The following STXBP5L variants were observed in gnomAD, a reference collection of about 807,000 sequenced individuals.
The protein encoded by STXBP5L is syntaxin-binding protein 5-like.
Under a neutral mutation model 144.5 loss-of-function variants are expected in STXBP5L, and 65 were observed. The ratio of observed to expected loss-of-function variants is 0.45; its 90% CI spans 0.37 to 0.55. The LOEUF is 0.55. Among genes scored for constraint, STXBP5L ranks in the 20% least tolerant of loss-of-function variants. The probability of loss-of-function intolerance (pLI) is 0.00; values close to 1 mark genes in which losing one functional copy is unlikely to be tolerated. For synonymous variants in STXBP5L, 505 were observed against 469.6 expected, an observed-to-expected ratio of 1.08 and a Z score of -0.97; for missense variants, 1,298 against 1,405.5, an observed-to-expected ratio of 0.92 and a Z score of 1.22.
chr3:120,957,396 A>G (rs1938155221), intron 3 of STXBP5L, among the ~76,000 whole-genome samples: 1 of 151,968 alleles, frequency 6.6e-6, no homozygotes, highest in Admixed American at 6.6e-5. Flanking sequence ...CCCACTTGAT[A>G]ATGATAAGTG....
chr3:120,990,748 A>T (rs1576591120), intron 3 of STXBP5L, among the ~76,000 whole-genome samples: 1 of 152,252 alleles, frequency 6.6e-6, no homozygotes, highest in Non-Finnish European at 1.5e-5. Context: ...CTTATTTAAT[A>T]GATGATGCTG....
chr3:121,288,612 A>G (rs1264838940), intron 19 of STXBP5L, among the ~76,000 whole-genome samples: 1 of 152,108 alleles, frequency 6.6e-6, no homozygotes, highest in East Asian at 1.9e-4. Context: ...GCATTTTTTC[A>G]TATGCTTGTT....
intron 10 of STXBP5L, 29 bp from the exon 11 acceptor site, chr3:121,222,974 G>A: frequency 6.3e-7 from 1 of 1,576,074 alleles, no homozygotes; most frequent in South Asian, 1.2e-5. Context: ...AAGGACTTCT[G>A]AGTCTCATTC....
At chr3:121,059,734 G>A (rs535708191) in intron 5 of STXBP5L, among the ~76,000 whole-genome samples, 2 of 152,244 alleles carry the variant, frequency 1.3e-5, no homozygotes, top group East Asian at 1.9e-4. Flanking sequence ...TCTGTTAGTA[G>A]CAATGGTGAA....
chr3:120,984,632 C>CTTTTTTTTTTTTTTTTTTTTTTTCTTTTT (rs35656223), intron 3 of STXBP5L, among the ~76,000 whole-genome samples: 1 of 71,960 alleles, frequency 1.4e-5, no homozygotes, highest in African/African-American at 6.1e-5. Flanking sequence ...TCTTTCTTTC[C>CTTTTTTTTTTTTTTTTTTTTTTTCTTTTT]TTTTTTTTTT....
chr3:120,999,482 TC>T (rs1453017002), intron 3 of STXBP5L, among the ~76,000 whole-genome samples: 1 of 152,240 alleles, frequency 6.6e-6, no homozygotes, highest in African/African-American at 2.4e-5. Context: ...GTGACATTGG[TC>T]TCTCGAAGAC....
chr3:121,211,471 AG>A (rs2048563078), intron 10 of STXBP5L, among the ~76,000 whole-genome samples: 1 of 152,000 alleles, frequency 6.6e-6, no homozygotes, highest in Non-Finnish European at 1.5e-5. Flanking sequence ...TATGTTGAAT[AG>A]GAGTGGTGAG....
At chr3:120,996,423 A>G (rs570314395) in intron 3 of STXBP5L, among the ~76,000 whole-genome samples, 1 of 152,140 alleles carries the variant, frequency 6.6e-6, no homozygotes, top group South Asian at 2.1e-4. Flanking sequence ...CAATTAACAT[A>G]TCTTTGTCTT....
intron 11 of STXBP5L, among the ~76,000 whole-genome samples, chr3:121,230,787 C>T (rs577566895): frequency 6.6e-6 from 1 of 152,140 alleles, no homozygotes; most frequent in African/African-American, 2.4e-5. Flanking sequence ...TAGATTCAAA[C>T]TTCGTCACTG....
intron 22 of STXBP5L, among the ~76,000 whole-genome samples, chr3:121,392,557 T>G (rs1227484393): frequency 6.6e-6 from 1 of 152,002 alleles, no homozygotes; most frequent in Non-Finnish European, 1.5e-5. Context: ...GTCTTTACAT[T>G]CTTTTATATA....
intron 9 of STXBP5L, among the ~76,000 whole-genome samples, chr3:121,189,475 G>A (rs576691499): frequency 6.6e-6 from 1 of 152,298 alleles, no homozygotes; most frequent in Admixed American, 6.5e-5. Context: ...TTATTAAACA[G>A]GGAATCCTTT....
At chr3:120,974,340 CT>C (rs1302395789) in intron 3 of STXBP5L, among the ~76,000 whole-genome samples, 2 of 152,162 alleles carry the variant, frequency 1.3e-5, no homozygotes, top group East Asian at 1.9e-4. Flanking sequence ...TAAATGTCTT[CT>C]TTTGAGAAGT....
At chr3:121,010,402 G>T (rs1404403128) in intron 3 of STXBP5L, among the ~76,000 whole-genome samples, 1 of 151,536 alleles carries the variant, frequency 6.6e-6, no homozygotes, top group Non-Finnish European at 1.5e-5. Context: ...TTTCCCTTTG[G>T]TGTCTAATAT....
At chr3:121,120,915 CA>C (rs953690719) in intron 6 of STXBP5L, among the ~76,000 whole-genome samples, 26 of 151,178 alleles carry the variant, frequency 1.7e-4, no homozygotes, top group Non-Finnish European at 2.7e-4. Flanking sequence ...TTAATCATGA[CA>C]TAATCATTTT....
At chr3:121,001,503 A>G (rs1943773290) in intron 3 of STXBP5L, among the ~76,000 whole-genome samples, 1 of 152,174 alleles carries the variant, frequency 6.6e-6, no homozygotes, top group Non-Finnish European at 1.5e-5. Context: ...GCTGTGCTCC[A>G]CTGCAGCCAT....
intron 5 of STXBP5L, among the ~76,000 whole-genome samples, chr3:121,096,535 G>T (rs572099449): frequency 2.6e-5 from 4 of 152,114 alleles, no homozygotes; most frequent in African/African-American, 7.2e-5. Flanking sequence ...TTCTGATGGG[G>T]TCTTTGAGTG....
chr3:121,064,821 G>C (rs570609519), intron 5 of STXBP5L, among the ~76,000 whole-genome samples: 85 of 152,250 alleles, frequency 5.6e-4, no homozygotes, highest in Middle Eastern at 3.4e-3. Flanking sequence ...CTGAGGTTTG[G>C]GGTATGGATC....
chr3:120,972,549 C>T (rs972362360), intron 3 of STXBP5L, among the ~76,000 whole-genome samples: 1 of 151,878 alleles, frequency 6.6e-6, no homozygotes, highest in Non-Finnish European at 1.5e-5. Flanking sequence ...TTCCAGTTTG[C>T]ATGCCTCTTA....
rs1411307387 is a variant in STXBP5L at position 121,190,906 on chromosome 3, C to T, written c.878-15017C>T. 1.0e-4 allele frequency among the ~76,000 whole-genome samples: 15 copies of T among 145,360 alleles called. No individual in the cohort carries two copies. The South Asian group carries it at 2.5e-3, about 24-fold the overall frequency. On this transcript the variant is annotated intron_variant, in intron 9 of 26. Transcript: ENST00000471454. ...ACACTCCTCAGTTCCCAGACGGGGT[C>T]ACGGCCGGGCAGAGGAGCTCTTCAT...
Sources: gnomAD v4.1 joint callset for allele counts (sites outside exome capture counted in the v4.1 genomes callset) on GRCh38, gnomAD v4.1.1 for gene constraint, MANE v1.5 for transcripts, NCBI Gene and HGNC (gene_info 2026-07-23, HGNC 2026-07-21) for gene names.